Variants in ANK2 observed in about 807,000 individuals in gnomAD.
ANK2 encodes the protein ankyrin 2.
A neutral mutation model predicts 360.5 loss-of-function variants in ANK2; 83 were observed. The observed-to-expected ratio is 0.23, with a 90% CI of 0.19 to 0.28. ANK2 has a LOEUF of 0.28. Among genes scored for constraint, ANK2 ranks in the 10% least tolerant of loss-of-function variants. The pLI is 1.00. For missense variants in ANK2, 4,201 were observed against 4,795.7 expected, an observed-to-expected ratio of 0.88 and a Z score of 3.66; for synonymous variants, 1,740 against 1,759.5, an observed-to-expected ratio of 0.99 and a Z score of 0.28.
intron 1 of ANK2, among the ~76,000 whole-genome samples, chr4:112,897,266 T>C (rs1036200916): frequency 1.3e-5 from 2 of 152,198 alleles, no homozygotes; most frequent in South Asian, 2.1e-4. Context: ...CCTGGGAGCC[T>C]GGGGTTCTTT....
the ANK2 span, among the ~76,000 whole-genome samples, chr4:112,726,318 G>A: frequency 2.6e-5 from 4 of 152,164 alleles, no homozygotes; most frequent in African/African-American, 9.7e-5. Flanking sequence ...TGAATAAAAT[G>A]TAGGTATTAT....
chr4:112,896,295 C>G (rs538440365), intron 1 of ANK2, among the ~76,000 whole-genome samples: 21 of 152,278 alleles, frequency 1.4e-4, no homozygotes, highest in African/African-American at 5.1e-4. Context: ...AGACTATGGG[C>G]TATAGGTTCT....
At chr4:112,719,614 G>C in the ANK2 span, among the ~76,000 whole-genome samples, 1 of 151,616 alleles carries the variant, frequency 6.6e-6, no homozygotes, top group Non-Finnish European at 1.5e-5. Flanking sequence ...TGTAGTCCAA[G>C]CTACTCGGGA....
At chr4:113,308,740 T>A (rs1185544265) in intron 23 of ANK2, among the ~76,000 whole-genome samples, 1 of 152,200 alleles carries the variant, frequency 6.6e-6, no homozygotes, top group Non-Finnish European at 1.5e-5. Context: ...TCTAAGAGTT[T>A]GGGAAAGAAG....
At chr4:113,152,742 A>G (rs1240887962) in intron 1 of ANK2, among the ~76,000 whole-genome samples, 1 of 151,974 alleles carries the variant, frequency 6.6e-6, no homozygotes, top group Admixed American at 6.6e-5. Flanking sequence ...TTCTGTCTCT[A>G]TATTAATTTT....
Position 113,354,803 on chromosome 4 carries a change from C to G in ANK2, c.6185C>G (p.Ala2062Gly), listed in dbSNP as rs1194235291. The stretch of plus-strand genomic sequence containing the variant: ...CAGAGACTCCCGGTAACGGGCACAG[C>G]AGAATCCAAAAGAGGAGTTCGTGTT... ...RGQRLPVTGT[A>G]ESKRGVRVSS... Residue 2062 changes from alanine (A) to glycine (G), a missense_variant, in exon 38 of 46, where the codon GCA becomes GGA. Transcript: ENST00000357077. 1 of 1,613,974 alleles carries G rather than the reference C, an allele frequency of 6.2e-7. No individual in the cohort carries two copies. The highest frequency in any genetic ancestry group is 1.3e-5 in the African/African-American group (1 of 74,910).
At chr4:112,797,304 A>G in the ANK2 span, 1 of 152,260 alleles carries the variant, frequency 6.6e-6, no homozygotes, top group Non-Finnish European at 1.5e-5. Context: ...GCCTTCTTCT[A>G]TACATACACC....
chr4:112,850,445 CTT>C (rs548963656), intron 1 of ANK2, among the ~76,000 whole-genome samples: 27,006 of 73,930 alleles, frequency 0.37, 4,146 homozygotes, highest in East Asian at 0.45. Context: ...TTGTTCGTTT[CTT>C]TTTTTTTTTT....
intron 4 of ANK2, among the ~76,000 whole-genome samples, chr4:113,211,891 C>G (rs978037898): frequency 1.3e-5 from 2 of 148,846 alleles, no homozygotes; most frequent in Non-Finnish European, 1.5e-5. Flanking sequence ...TGGCCTTTCT[C>G]AGAAGTATTT....
intron 1 of ANK2, among the ~76,000 whole-genome samples, chr4:113,099,139 A>C (rs1184835093): frequency 1.3e-5 from 2 of 151,986 alleles, no homozygotes; most frequent in African/African-American, 4.8e-5. Context: ...TCTACATCAT[A>C]CTGGAAGCTT....
chr4:112,883,390 T>C (rs924159675), intron 1 of ANK2, among the ~76,000 whole-genome samples: 1 of 152,184 alleles, frequency 6.6e-6, no homozygotes, highest in African/African-American at 2.4e-5. Flanking sequence ...AGATAGGTTA[T>C]GATCATGTGT....
chr4:112,891,139 G>A (rs1032289505), intron 1 of ANK2, among the ~76,000 whole-genome samples: 2 of 152,130 alleles, frequency 1.3e-5, no homozygotes, highest in Non-Finnish European at 2.9e-5. Flanking sequence ...TAATAGATGA[G>A]ATTGAGACTC....
chr4:113,283,728 T>A (rs2063302036), intron 18 of ANK2, among the ~76,000 whole-genome samples: 1 of 152,222 alleles, frequency 6.6e-6, no homozygotes. Flanking sequence ...AATTGGAAAC[T>A]GTATTTATTA....
At chr4:112,852,742 C>T (rs1423729631) in intron 1 of ANK2, among the ~76,000 whole-genome samples, 3 of 152,026 alleles carry the variant, frequency 2.0e-5, no homozygotes, top group East Asian at 1.9e-4. Context: ...CCCTTTTCTT[C>T]GGTGAATCCC....
chr4:113,145,671 C>CG (rs1389998197), intron 1 of ANK2: 50 of 1,132,944 alleles, frequency 4.4e-5, no homozygotes, highest in Non-Finnish European at 5.4e-5. Context: ...CTGCAGTTGC[C>CG]GGGGGTTTTG....
chr4:112,731,274 C>G, the ANK2 span, among the ~76,000 whole-genome samples: 1 of 103,412 alleles, frequency 9.7e-6, no homozygotes, highest in Non-Finnish European at 1.8e-5. Flanking sequence ...CCAGCCTGGG[C>G]AAGAGCAAGA....
chr4:113,133,504 C>T (rs1218736030), intron 1 of ANK2, among the ~76,000 whole-genome samples: 1 of 152,148 alleles, frequency 6.6e-6, no homozygotes, highest in Admixed American at 6.5e-5. Context: ...TGACAGACCC[C>T]AGATGCCAGA....
intron 1 of ANK2, among the ~76,000 whole-genome samples, chr4:113,169,619 A>C (rs1019404136): frequency 6.6e-6 from 1 of 151,950 alleles, no homozygotes; most frequent in South Asian, 2.1e-4. Context: ...GTTCAGTGTC[A>C]CTCTTTTAAG....
chr4:112,748,550 A>G, the ANK2 span, among the ~76,000 whole-genome samples: 90 of 152,302 alleles, frequency 5.9e-4, no homozygotes, highest in African/African-American at 2.0e-3. Flanking sequence ...ATGTTAACCT[A>G]TAAGGCTATG....
Sources: gnomAD v4.1 joint callset for allele counts (sites outside exome capture counted in the v4.1 genomes callset) on GRCh38, gnomAD v4.1.1 for gene constraint, MANE v1.5 for transcripts, NCBI Gene and HGNC (gene_info 2026-07-23, HGNC 2026-07-21) for gene names.